Variants in ARNT observed in about 807,000 individuals in gnomAD.
ARNT encodes class E basic helix-loop-helix protein 2.
In ARNT, 30 loss-of-function variants were observed where a neutral mutation model predicts 105.0. That is an observed-to-expected ratio of 0.29 (90% CI 0.21 to 0.39). The LOEUF is 0.39. Among genes scored for constraint, ARNT ranks in the 10% least tolerant of loss-of-function variants. ARNT has a pLI of 1.00. For missense variants in ARNT, 748 were observed against 978.7 expected (o/e 0.76, Z 3.15); for synonymous variants, 304 against 344.0 (o/e 0.88, Z 1.29).
chr1:150,870,155 C>T (rs1667211206), intron 1 of ARNT, among the ~76,000 whole-genome samples: 1 of 152,122 alleles, frequency 6.6e-6, no homozygotes, highest in Non-Finnish European at 1.5e-5. Flanking sequence ...AGACAAGTTA[C>T]TTATTCACTC....
intron 14 of ARNT, among the ~76,000 whole-genome samples, chr1:150,821,138 A>G (rs1656977449): frequency 6.6e-6 from 1 of 152,254 alleles, no homozygotes; most frequent in Non-Finnish European, 1.5e-5. Context: ...TATCGTTATC[A>G]TAAGCTTATA....
intron 1 of ARNT, among the ~76,000 whole-genome samples, chr1:150,873,619 T>A (rs1207110389): frequency 6.6e-6 from 1 of 152,162 alleles, no homozygotes; most frequent in Non-Finnish European, 1.5e-5. Flanking sequence ...GCACTATTAC[T>A]AACCCTAAGG....
At chr1:150,831,778 A>C in intron 10 of ARNT, 40 bp downstream of exon 10, 1 of 1,438,474 alleles carries the variant, frequency 7.0e-7, no homozygotes, top group East Asian at 2.3e-5. Flanking sequence ...TGAGGAACCA[A>C]CTGTACCAAG....
In ARNT at chr1:150,845,950, TAGA is replaced by T. The variant is rs587754939; in HGVS notation, c.227+310_227+312del. Reference sequence around the variant, plus strand: ...ACCATTATCTGTATTCCTATTTTTGTAGATCCATTTAATAATAAATGCAAGCAC... The same window carrying T: ...ACCATTATCTGTATTCCTATTTTTGTTCCATTTAATAATAAATGCAAGCAC... On this transcript the variant is annotated intron_variant, in intron 4 of 21. Coordinates refer to ENST00000358595, the MANE Select transcript of ARNT (RefSeq NM_001668.4). Among the ~76,000 whole-genome samples, 30 of 152,306 alleles carry T rather than the reference TAGA, an allele frequency of 2.0e-4. No individual in the cohort carries two copies. In the East Asian group the frequency reaches 5.4e-3, roughly 27 times the overall value.
At position 150,816,275 on chromosome 1, in the gene ARNT, G is replaced by A; in HGVS notation, c.1934C>T (p.Ser645Leu). The A allele has an allele frequency of 1.9e-6, 3 of 1,603,606 alleles. No individual in the cohort carries two copies. Among genetic ancestry groups the A allele is most frequent in the Non-Finnish European group, 8.5e-7 (1 of 1,177,142 alleles). ...ATPTWTPTTR[S>L]GFSAQQVATQ... ...AAGTTTTACCTGGGCAGAAAAGCCT[G>A]AGCGGGTAGTAGGGGTCCAAGTTGG... is the stretch of plus-strand genomic sequence containing the variant. The change falls in exon 19 of 22, where the codon TCA (serine) becomes TTA (leucine). Residue 645 changes from serine to leucine, a missense_variant. Ser to Leu is a moderately radical substitution (Grantham distance 145). This residue lies in a region of ARNT where 360 missense variants were observed against 411.9 expected (regional missense o/e 0.87). Coordinates refer to ENST00000358595, the MANE Select transcript of ARNT (RefSeq NM_001668.4).
At chr1:150,846,034 C>T (rs948389045) in intron 4 of ARNT, among the ~76,000 whole-genome samples, 4 of 152,186 alleles carry the variant, frequency 2.6e-5, no homozygotes, top group African/African-American at 9.7e-5. Flanking sequence ...CTTTAGTTAT[C>T]ACATACACAG....
chr1:150,827,939 A>G (rs1314761932), intron 12 of ARNT, among the ~76,000 whole-genome samples: 1 of 152,140 alleles, frequency 6.6e-6, no homozygotes, highest in Admixed American at 6.5e-5. Context: ...GCATCTTTTC[A>G]TGTGCATAAA....
At chr1:150,812,229 C>T (rs1446156867) in intron 21 of ARNT, 119 bp from the exon 22 acceptor site, 2 of 637,636 alleles carry the variant, frequency 3.1e-6, no homozygotes, top group Admixed American at 4.0e-5. Flanking sequence ...CTGTGCTGAG[C>T]TCTTAGCCTT....
At chr1:150,867,218 A>G (rs1666738965) in intron 1 of ARNT, among the ~76,000 whole-genome samples, 1 of 129,180 alleles carries the variant, frequency 7.7e-6, no homozygotes, top group Non-Finnish European at 1.7e-5. Flanking sequence ...AAAAACAACA[A>G]CAACAAAAAA....
intron 1 of ARNT, among the ~76,000 whole-genome samples, chr1:150,873,858 T>A (rs1461111315): frequency 6.6e-6 from 1 of 152,020 alleles, no homozygotes; most frequent in Non-Finnish European, 1.5e-5. Context: ...AGTTCAAGGC[T>A]ACAGTGAGCT....
intron 2 of ARNT, 48 bp from the exon 3 acceptor site, chr1:150,852,854 A>G (rs1229593211): frequency 6.2e-7 from 1 of 1,606,438 alleles, no homozygotes; most frequent in Admixed American, 1.7e-5. Flanking sequence ...ATAATACAAA[A>G]CATTAAGAAG....
chr1:150,836,279 C>T lies in ARNT; in HGVS notation c.700+1G>A. 1 of 1,613,966 alleles carries T rather than the reference C, an allele frequency of 6.2e-7. No homozygotes were observed. The highest frequency in any genetic ancestry group is 8.5e-7 in the Non-Finnish European group (1 of 1,179,844). On this transcript the variant is annotated splice_donor_variant, in intron 7 of 21. Transcript: ENST00000358595. LOFTEE classifies it high-confidence loss of function. ...TCATTTCCCATACACATAACTCTCA[C>T]CTGTCAGGGCATTTTCTGAAGTGGA...
At chr1:150,855,655 A>G (rs1043588914) in intron 2 of ARNT, among the ~76,000 whole-genome samples, 2 of 151,760 alleles carry the variant, frequency 1.3e-5, no homozygotes, top group African/African-American at 4.8e-5. Flanking sequence ...TAATCCCAAC[A>G]CTTTAGGACG....
chr1:150,868,305 C>T (rs1666929762), intron 1 of ARNT, among the ~76,000 whole-genome samples: 1 of 151,728 alleles, frequency 6.6e-6, no homozygotes, highest in African/African-American at 2.4e-5. Flanking sequence ...GAGTCAAGAC[C>T]CTGTCTCAAA....
chr1:150,833,314 G>A (rs1659673448), intron 8 of ARNT, among the ~76,000 whole-genome samples: 2 of 152,066 alleles, frequency 1.3e-5, no homozygotes, highest in Admixed American at 1.3e-4. Flanking sequence ...GGCCAGCCTG[G>A]CCAACATGGT....
At chr1:150,839,372 C>CA in intron 6 of ARNT, 69 bp downstream of exon 6, 2 of 1,561,434 alleles carry the variant, frequency 1.3e-6, no homozygotes, top group South Asian at 1.2e-5. Flanking sequence ...AATTCTTGTC[C>CA]AAAAAACGAA....
intron 4 of ARNT, among the ~76,000 whole-genome samples, chr1:150,845,234 AT>A (rs1240033933): frequency 6.6e-6 from 1 of 152,210 alleles, no homozygotes; most frequent in Non-Finnish European, 1.5e-5. Flanking sequence ...GCAGTGAGCT[AT>A]GATCATGCCA....
intron 6 of ARNT, among the ~76,000 whole-genome samples, chr1:150,838,940 C>T (rs984263112): frequency 6.6e-6 from 1 of 152,144 alleles, no homozygotes; most frequent in Non-Finnish European, 1.5e-5. Flanking sequence ...GATGAAGTTC[C>T]TGAAAGGCAG....
At chr1:150,849,575 C>A (rs1224202633) in intron 3 of ARNT, among the ~76,000 whole-genome samples, 2 of 151,924 alleles carry the variant, frequency 1.3e-5, no homozygotes, top group Non-Finnish European at 2.9e-5. Context: ...TGCTTGAGCA[C>A]AGGAGTTTAA....
Sources: allele counts gnomAD v4.1 joint callset (sites outside exome capture counted in the v4.1 genomes callset), GRCh38; gene constraint gnomAD v4.1.1; regional missense constraint gnomAD v4.1.1; transcripts MANE v1.5; gene names NCBI Gene and HGNC (gene_info 2026-07-23, HGNC 2026-07-21).